The following PKD1 variants were observed in gnomAD, a reference collection of about 807,000 sequenced individuals.
PKD1 encodes the protein polycystin-1.
Under a neutral mutation model 361.7 loss-of-function variants are expected in PKD1, and 81 were observed. The ratio of observed to expected loss-of-function variants is 0.22; its 90% CI spans 0.19 to 0.27. The LOEUF (loss-of-function observed/expected upper bound fraction) is 0.27, where lower values mean the gene tolerates loss of function less well. PKD1 is among the 10% of genes least tolerant of loss of function. The pLI is 1.00. For synonymous variants in PKD1, 3,615 were observed against 2,818.3 expected (o/e 1.28, Z -8.95); for missense variants, 6,399 against 6,118.3 (o/e 1.05, Z -1.53).
rs753960606 is a variant in PKD1 at position 2,093,626 on chromosome 16, C to G, written c.10934G>C (p.Arg3645Pro). Residue 3645 changes from arginine to proline, a missense_variant, in exon 37 of 46, where the codon CGC (arginine) becomes CCC (proline). Transcript: ENST00000262304. ...AVTPVSARVP[R>P]VRPPHGFALF... The stretch of plus-strand genomic sequence containing the variant: ...TGCAAAGCCGTGGGGTGGCCGTACG[C>G]GGGGCACACGTGCGCTCACAGGCGT... 4 of 1,609,460 alleles carry G rather than the reference C, an allele frequency of 2.5e-6. No individual in the cohort carries two copies. Among genetic ancestry groups the G allele is most frequent in the South Asian group, 1.1e-5 (1 of 90,244 alleles).
chr16:2,120,540 A>G (rs1487458843), intron 1 of PKD1, among the ~76,000 whole-genome samples: 1 of 152,074 alleles, frequency 6.6e-6, no homozygotes, highest in Non-Finnish European at 1.5e-5. Context: ...CATCTCTACA[A>G]GGAAAAAAAG....
At chr16:2,122,036 A>G (rs926173258) in intron 1 of PKD1, among the ~76,000 whole-genome samples, 7 of 152,242 alleles carry the variant, frequency 4.6e-5, no homozygotes, top group African/African-American at 1.7e-4. Flanking sequence ...GGAGAGACGC[A>G]CACACAGGCT....
At position 2,100,138 on chromosome 16, in the gene PKD1, G is replaced by T; in HGVS notation, c.9712+28C>A. ...AGGACCACCCTGCCCAACCTCCCACGGAGTGGGAACATGGAACGAGGCCTT... is the reference window on the plus strand; with the variant it reads ...AGGACCACCCTGCCCAACCTCCCACTGAGTGGGAACATGGAACGAGGCCTT... On this transcript the variant is annotated intron_variant, in intron 28 of 45. Transcript: ENST00000262304. The surrounding 1 kb of genome is among the most constrained non-coding windows in gnomAD (Gnocchi z 4.4). The T allele has an allele frequency of 6.3e-7, 1 of 1,596,756 alleles. No individual in the cohort carries two copies. The highest frequency in any genetic ancestry group is 1.1e-5 in the South Asian group (1 of 90,702).
intron 13 of PKD1, 62 bp downstream of exon 13, chr16:2,112,726 C>G: frequency 6.5e-7 from 1 of 1,549,052 alleles, no homozygotes; most frequent in Non-Finnish European, 8.8e-7. Context: ...GGTCCCTCGG[C>G]TGAGGCTGGG....
At position 2,116,900 on chromosome 16, in the gene PKD1, G is replaced by A. The variant is rs550769703; in HGVS notation, c.1539C>T (p.Pro513=). 6.0e-3 allele frequency: 9,122 copies of A among 1,525,452 alleles called. 860 individuals are homozygous for A. The Admixed American group carries it at 0.16, about 27-fold the overall frequency. The allele number at this position is 1,525,452 out of a possible 1,614,324, so 94.5% of individuals were successfully genotyped here. The change falls in exon 7 of 46, where the codon CCC becomes CCT. Residue 513 remains proline, a synonymous_variant. Transcript: ENST00000262304. ...ACAGGTCGGTGTTACACCACCCGGT[G>A]GGCCCGAGCCGGACGCAGTGCTCGG... ...ATAEHCVRLG[P]TGWCNTDLCS...
intron 1 of PKD1, among the ~76,000 whole-genome samples, chr16:2,121,853 C>A (rs1423336093): frequency 1.3e-5 from 2 of 152,346 alleles, no homozygotes; most frequent in African/African-American, 4.8e-5. Context: ...ACCCTCCCCA[C>A]GAGTGACCCA....
chr16:2,110,390 C>G lies in PKD1; in HGVS notation c.4777G>C (p.Gly1593Arg). ...VLCDRCTPIP[G>R]GPTISYTFRS... ...AAGGTGTAAGAGATGGTAGGACCCCCAGGGATGGGCGTGCAGCGGTCACAG... is the reference window on the plus strand; with the variant it reads ...AAGGTGTAAGAGATGGTAGGACCCCGAGGGATGGGCGTGCAGCGGTCACAG... The change falls in exon 15 of 46, where the codon GGG becomes CGG. Residue 1593 changes from glycine to arginine, a missense_variant. Gly to Arg is a moderately radical substitution (Grantham distance 125). Transcript: ENST00000262304. 4 of 1,612,642 alleles carry G rather than the reference C, an allele frequency of 2.5e-6. No homozygotes were observed. The highest frequency in any genetic ancestry group is 3.4e-6 in the Non-Finnish European group (4 of 1,179,844).
Position 2,094,139 on chromosome 16 carries a change from G to A in PKD1, c.10571C>T (p.Pro3524Leu), listed in dbSNP as rs2091738105. The A allele has an allele frequency of 6.3e-7, 1 of 1,597,872 alleles. No individual in the cohort carries two copies. The highest frequency in any genetic ancestry group is 8.5e-7 in the Non-Finnish European group (1 of 1,172,394). The stretch of plus-strand genomic sequence containing the variant: ...CTGGGGCTGTTCCCAGTTCAGGCCT[G>A]GGCTGGGTGGCCCCAGCTCCCCCAG... ...QRLGELGPPS[P>L]GLNWEQPQAA... The change falls in exon 35 of 46, where the codon CCA becomes CTA. Residue 3524 changes from proline (P) to leucine (L), a missense_variant. Coordinates refer to ENST00000262304, the MANE Select transcript of PKD1 (RefSeq NM_001009944.3).
rs142285430 is a variant in PKD1 at position 2,088,881 on chromosome 16, G to GCGCGCACACACACACA, written c.*845_*846insTGTGTGTGTGTGCGCG. ...ACAGCACACTCGCGCGTGCGCGCGC[G>GCGCGCACACACACACA]CACACACACACACACACAGTCACCT... On this transcript the variant is annotated 3_prime_UTR_variant, in exon 46 of 46. Transcript: ENST00000262304. 158 of 421,468 alleles carry GCGCGCACACACACACA rather than the reference G, an allele frequency of 3.7e-4. No individual in the cohort carries two copies. The highest frequency in any genetic ancestry group is 3.3e-3 in the African/African-American group (146 of 44,674). The allele number at this position is 421,468 out of a possible 1,614,324, so 26.1% of individuals were successfully genotyped here.
chr16:2,093,196 G>T (rs1275015731), intron 37 of PKD1, 103 bp from the exon 38 acceptor site: 1 of 1,410,700 alleles, frequency 7.1e-7, no homozygotes, highest in Non-Finnish European at 1.0e-6. Context: ...GTGGCTGCAG[G>T]AAGGTGAGCT....
intron 1 of PKD1, among the ~76,000 whole-genome samples, chr16:2,121,417 G>A (rs959098697): frequency 2.0e-5 from 3 of 151,748 alleles, no homozygotes; most frequent in East Asian, 1.9e-4. Flanking sequence ...AGGGAGGGAG[G>A]AAAGAAAGAG....
chr16:2,132,298 G>A (rs372370994), intron 1 of PKD1, among the ~76,000 whole-genome samples: 1,896 of 151,290 alleles, frequency 0.013, 20 homozygotes, highest in Middle Eastern at 0.055. Flanking sequence ...GGCCGGGTGC[G>A]GTGGCTCACG....
In PKD1 at chr16:2,091,913, G is replaced by C. The variant is rs553377243; in HGVS notation, c.11412-7C>G. 1 of 1,611,632 alleles carries C rather than the reference G, an allele frequency of 6.2e-7. No individual in the cohort carries two copies. Among genetic ancestry groups the C allele is most frequent in the Non-Finnish European group, 8.5e-7 (1 of 1,179,634 alleles). On this transcript the variant is annotated splice_polypyrimidine_tract_variant and splice_region_variant and intron_variant, in intron 40 of 45. Transcript: ENST00000262304. ...GGAGCCCCAGGACCATGCCCTGCCG[G>C]AGAGGGGTGGCGTGGGTGCCGCACC...
intron 1 of PKD1, among the ~76,000 whole-genome samples, chr16:2,130,541 G>C: frequency 6.6e-6 from 1 of 152,228 alleles, no homozygotes; most frequent in East Asian, 1.9e-4. Context: ...CTTCTGCTGA[G>C]GGCTCATGGA....
intron 1 of PKD1, among the ~76,000 whole-genome samples, chr16:2,122,865 G>A (rs371792058): frequency 1.3e-5 from 2 of 152,190 alleles, no homozygotes; most frequent in African/African-American, 4.8e-5. Flanking sequence ...CCCCAGGGAG[G>A]GGCACAGGCT....
At position 2,110,603 on chromosome 16, in the gene PKD1, C is replaced by T. The variant is rs1336275843; in HGVS notation, c.4564G>A (p.Asp1522Asn). ...CAGCCGGCCACCCTAACGGTGAAGT[C>T]ACCTGTGCTGTTGTAAGCGTGGGTG... Reference protein sequence around the residue: ...EVTHAYNSTGDFTVRVAGWNE... With the variant: ...EVTHAYNSTGNFTVRVAGWNE... The change falls in exon 15 of 46, where the codon GAC (aspartate) becomes AAC (asparagine). Residue 1522 changes from aspartate (D) to asparagine (N), a missense_variant. Physicochemically the swap from Asp to Asn is conservative, Grantham distance 23. Transcript: ENST00000262304. 2 of 1,610,598 alleles carry T rather than the reference C, an allele frequency of 1.2e-6. No homozygotes were observed. Among genetic ancestry groups the T allele is most frequent in the Non-Finnish European group, 1.7e-6 (2 of 1,179,672 alleles).
In PKD1 at chr16:2,110,075, G is replaced by A. The variant is rs141871028; in HGVS notation, c.5092C>T (p.Arg1698Trp). The A allele has an allele frequency of 1.4e-4, 226 of 1,609,806 alleles. No individual in the cohort carries two copies. The African/African-American group carries it at 1.8e-3, about 13-fold the overall frequency. Residue 1698 changes from arginine to tryptophan, a missense_variant, in exon 15 of 46, where the codon CGG becomes TGG. Coordinates refer to ENST00000262304, the MANE Select transcript of PKD1 (RefSeq NM_001009944.3). ...LEAGTYHVQL[R>W]ATNMLGSAWA... ...GCGCTGCCCAGCATGTTGGTGGCCC[G>A]CAGCTGCACATGGTAGGTGCCGGCC...
chr16:2,110,514 G>C lies in PKD1; in HGVS notation c.4653C>G (p.Leu1551=), dbSNP rs769741858. The C allele has an allele frequency of 1.2e-6, 2 of 1,611,776 alleles. No individual in the cohort carries two copies. Among genetic ancestry groups the C allele is most frequent in the Non-Finnish European group, 1.7e-6 (2 of 1,179,826 alleles). ...NVTVKRRVRG[L]VVNASRTVVP... ...CCACCGTGCGGCTTGCATTGACGAC[G>C]AGCCCCCGCACGCGCCGCTTCACCG... The change falls in exon 15 of 46, where the codon CTC becomes CTG. Residue 1551 remains leucine (L), a synonymous_variant. Coordinates refer to ENST00000262304, the MANE Select transcript of PKD1 (RefSeq NM_001009944.3).
chr16:2,106,325 C>A lies in PKD1; in HGVS notation c.7490-21G>T. The A allele has an allele frequency of 6.2e-7, 1 of 1,606,652 alleles. No individual in the cohort carries two copies. Among genetic ancestry groups the A allele is most frequent in the African/African-American group, 1.3e-5 (1 of 74,884 alleles). On this transcript the variant is annotated intron_variant, in intron 18 of 45. Transcript: ENST00000262304. The surrounding 1 kb of genome is among the most constrained non-coding windows in gnomAD (Gnocchi z 6.5). ...CCAGCCTGAGGGACGGTCCCCACGG[C>A]ATCACGGGAGGGCTCCGTGACGTCA... is the stretch of plus-strand genomic sequence containing the variant.
Sources: gnomAD v4.1 joint callset for allele counts (sites outside exome capture counted in the v4.1 genomes callset) on GRCh38, gnomAD v4.1.1 for gene constraint, Gnocchi (gnomAD v3.1) non-coding constraint, MANE v1.5 for transcripts, NCBI Gene and HGNC (gene_info 2026-07-23, HGNC 2026-07-21) for gene names.